NUP62CL: variants seen among roughly 807,000 people sequenced by gnomAD.
NUP62CL encodes the protein nucleoporin-62 C-terminal-like protein.
Under a neutral mutation model 15.3 loss-of-function variants are expected in NUP62CL, and 13 were observed. The observed-to-expected ratio is 0.85, with a 90% CI of 0.55 to 1.35. The LOEUF (loss-of-function observed/expected upper bound fraction) is 1.35. Ranked by LOEUF, NUP62CL falls within the 40% of genes most tolerant of loss-of-function variation. The pLI, the probability that NUP62CL is intolerant of heterozygous loss-of-function variation, is 0.00. For synonymous variants in NUP62CL, 54 were observed against 49.2 expected (o/e 1.10, Z -0.41); for missense variants, 123 against 130.6 (o/e 0.94, Z 0.28).
chrX:107,189,945 G>GAAAGAAAGAAAA (rs780904593), intron 2 of NUP62CL, among the ~76,000 whole-genome samples: 1,190 of 88,769 alleles, frequency 0.013, 65 homozygotes, highest in African/African-American at 0.041. Context: ...AAGAAAGAAA[G>GAAAGAAAGAAAA]AGAATCGATA....
chrX:107,205,537 T>C (rs1180871586), intron 1 of NUP62CL, among the ~76,000 whole-genome samples: 1 of 111,022 alleles, frequency 9.0e-6, no homozygotes, highest in African/African-American at 3.3e-5. Flanking sequence ...AAATGCATGG[T>C]ATATAGAAAG....
intron 4 of NUP62CL, among the ~76,000 whole-genome samples, chrX:107,162,789 T>G (rs1471166127): frequency 8.9e-6 from 1 of 112,120 alleles, no homozygotes; most frequent in East Asian, 2.8e-4. Context: ...GGAACTGGTT[T>G]TGTGGAAGAC....
intron 4 of NUP62CL, among the ~76,000 whole-genome samples, chrX:107,162,970 C>A (rs1028889945): frequency 2.7e-5 from 3 of 111,584 alleles, no homozygotes; most frequent in Non-Finnish European, 5.7e-5. Flanking sequence ...CAGTAATGCA[C>A]GCTCACCTGC....
intron 8 of NUP62CL, chrX:107,131,698 G>T: frequency 1.4e-6 from 1 of 713,830 alleles, no homozygotes; most frequent in Non-Finnish European, 2.2e-6. Flanking sequence ...AGGAGCAGTT[G>T]GTTCTAGTGG....
chrX:107,143,406 G>A (rs896305789), intron 8 of NUP62CL, among the ~76,000 whole-genome samples: 1 of 109,474 alleles, frequency 9.1e-6, no homozygotes, highest in African/African-American at 3.3e-5. Context: ...TAAGAGATGA[G>A]GTCTCACTTT....
intron 2 of NUP62CL, among the ~76,000 whole-genome samples, chrX:107,192,764 A>C (rs1458937859): frequency 8.9e-6 from 1 of 112,148 alleles, no homozygotes; most frequent in Non-Finnish European, 1.9e-5. Flanking sequence ...CCACTAAAAA[A>C]AATCAGAAAC....
intron 8 of NUP62CL, among the ~76,000 whole-genome samples, chrX:107,127,016 G>A (rs1014618649): frequency 2.7e-5 from 3 of 109,333 alleles, no homozygotes; most frequent in East Asian, 2.8e-4. Flanking sequence ...TCTGGGTGAC[G>A]AGAGAAACTC....
At chrX:107,129,566 C>T (rs1241444098) in intron 8 of NUP62CL, among the ~76,000 whole-genome samples, 1 of 112,336 alleles carries the variant, frequency 8.9e-6, no homozygotes, top group African/African-American at 3.2e-5. Context: ...TAGCCAGGAG[C>T]TGGAAGTTTC....
At chrX:107,137,553 T>C (rs772817517) in intron 8 of NUP62CL, among the ~76,000 whole-genome samples, 44 of 112,041 alleles carry the variant, frequency 3.9e-4, no homozygotes, top group African/African-American at 1.4e-3. Flanking sequence ...TCAAAAGATA[T>C]AAAATCAACA....
chrX:107,169,625 T>C (rs1926599516), intron 3 of NUP62CL, among the ~76,000 whole-genome samples: 1 of 111,768 alleles, frequency 8.9e-6, no homozygotes, highest in African/African-American at 3.3e-5. Context: ...AGATTACAGA[T>C]TGGATCTTGT....
In NUP62CL at chrX:107,155,897, C is replaced by G. The variant is rs758748784; in HGVS notation, c.195-1651G>C. On this transcript the variant is annotated intron_variant, in intron 4 of 8. Coordinates refer to ENST00000372466, the MANE Select transcript of NUP62CL (RefSeq NM_017681.3). ...GTTCATCTCACTAGGGAGTGCCAGA[C>G]AGTGGGCGCAGGCCAGTGGGTGCGC... Among the ~76,000 whole-genome samples the G allele has an allele frequency of 7.1e-5, 8 of 112,197 alleles. No individual in the cohort carries two copies. In the South Asian group the frequency reaches 3.0e-3, roughly 43 times the overall value.
At chrX:107,146,794 T>G (rs1250083128) in intron 8 of NUP62CL, among the ~76,000 whole-genome samples, 1 of 111,680 alleles carries the variant, frequency 9.0e-6, no homozygotes, top group Non-Finnish European at 1.9e-5. Flanking sequence ...TGATATAACC[T>G]TATTAGTCAC....
rs1403267963 is a variant in NUP62CL, at chrX:107,174,052, TCTCC to T, written c.58+1033_58+1036del. On this transcript the variant is annotated intron_variant, in intron 3 of 8. Transcript: ENST00000372466. Reference sequence around the variant, plus strand: ...TTTTCTTTCTTTCTCTCTCTCTCTCTCTCCCTCCCTCCCTCCCTCTCTCTCTCTC... The same window carrying T: ...TTTTCTTTCTTTCTCTCTCTCTCTCTCTCCCTCCCTCCCTCTCTCTCTCTC... Among the ~76,000 whole-genome samples the T allele has an allele frequency of 2.5e-4, 22 of 87,272 alleles. 1 individual carries two copies. The highest frequency in any genetic ancestry group is 4.2e-4 in the Non-Finnish European group (19 of 45,369). 75.8% of individuals were successfully genotyped at this position (87,272 alleles called of 115,157 possible). A position where few individuals can be genotyped will look rare whatever the true frequency, so the allele number is the denominator to read the frequency against.
In NUP62CL at chrX:107,189,894, A is replaced by AAAGG. The variant is rs1556028819; in HGVS notation, c.-48+3134_-48+3135insCCTT. Reference sequence around the variant, plus strand: ...AAAGAAAGAAAAGAAAGAAAGAAAGAAAGAAAGAAAGAAAGAAAGAAAGAA... The same window carrying AAAGG: ...AAAGAAAGAAAAGAAAGAAAGAAAGAAAGGAAGAAAGAAAGAAAGAAAGAAAGAA... On this transcript the variant is annotated intron_variant, in intron 2 of 8. Coordinates refer to ENST00000372466, the MANE Select transcript of NUP62CL (RefSeq NM_017681.3). 1.9e-4 allele frequency among the ~76,000 whole-genome samples: 18 copies of AAAGG among 92,687 alleles called. 1 individual carries two copies. The highest frequency in any genetic ancestry group is 7.1e-4 in the African/African-American group (16 of 22,511). The allele number at this position is 92,687 out of a possible 115,157, so 80.5% of individuals were successfully genotyped here. A position where few individuals can be genotyped will look rare whatever the true frequency, so the allele number is the denominator to read the frequency against.
At chrX:107,127,032 CAAAAA>C (rs973438994) in intron 8 of NUP62CL, among the ~76,000 whole-genome samples, 1 of 82,165 alleles carries the variant, frequency 1.2e-5, no homozygotes, top group African/African-American at 4.5e-5. Flanking sequence ...AACTCTGTCT[CAAAAA>C]AAAAAAACCA....
chrX:107,149,176 T>C (rs1055839452), intron 7 of NUP62CL, among the ~76,000 whole-genome samples: 1 of 112,036 alleles, frequency 8.9e-6, no homozygotes, highest in Non-Finnish European at 1.9e-5. Context: ...GACAGAATTA[T>C]AGTCTCCTTT....
At chrX:107,200,940 G>A (rs868785721) in intron 1 of NUP62CL, among the ~76,000 whole-genome samples, 50 of 111,072 alleles carry the variant, frequency 4.5e-4, no homozygotes, top group African/African-American at 1.6e-3. Flanking sequence ...CAAAAAACTG[G>A]AGAATTCTGA....
chrX:107,206,386 G>C lies in NUP62CL; in HGVS notation c.-205C>G, dbSNP rs1317443554. Reference sequence around the variant, plus strand: ...GGACCTGCTCGAGCCGGAAAGAATCGGCCTCCTTAGTGGGCAGGTTCCCGC... The same window carrying C: ...GGACCTGCTCGAGCCGGAAAGAATCCGCCTCCTTAGTGGGCAGGTTCCCGC... On this transcript the variant is annotated 5_prime_UTR_variant, in exon 1 of 9. Coordinates refer to ENST00000372466, the MANE Select transcript of NUP62CL (RefSeq NM_017681.3). 9.1e-6 allele frequency: 1 copy of C among 110,123 alleles called. No individual in the cohort carries two copies. 9.1% of individuals were successfully genotyped at this position (110,123 alleles called of 1,213,427 possible).
intron 2 of NUP62CL, among the ~76,000 whole-genome samples, chrX:107,189,898 A>AAAGG (rs1569365657): frequency 1.1e-4 from 11 of 98,017 alleles, no homozygotes; most frequent in African/African-American, 4.4e-4. Flanking sequence ...AGAAAGAAAG[A>AAAGG]AAGAAAGAAA....
Sources: allele counts gnomAD v4.1 joint callset (sites outside exome capture counted in the v4.1 genomes callset), GRCh38; gene constraint gnomAD v4.1.1; transcripts MANE v1.5; gene names NCBI Gene and HGNC (gene_info 2026-07-23, HGNC 2026-07-21).